Variants in DHTKD1 observed in about 807,000 individuals in gnomAD.
DHTKD1 encodes the protein dehydrogenase E1 and transketolase domain containing 1.
DHTKD1 carries 78 observed loss-of-function variants against 101.8 expected under a neutral mutation model. The ratio of observed to expected loss-of-function variants is 0.77; its 90% CI spans 0.64 to 0.93. DHTKD1 has a LOEUF of 0.93. Among genes scored for constraint, DHTKD1 ranks in the 40% least tolerant of loss-of-function variants. The pLI is 0.00. For synonymous variants in DHTKD1, 462 were observed against 450.3 expected (o/e 1.03, Z -0.33); for missense variants, 1,223 against 1,161.7 (o/e 1.05, Z -0.77).
chr10:12,108,828 G>A (rs1056881561), intron 12 of DHTKD1, among the ~76,000 whole-genome samples: 8 of 152,124 alleles, frequency 5.3e-5, no homozygotes, highest in Admixed American at 5.2e-4. Flanking sequence ...ATCCTTCAAT[G>A]CATCTTATGT....
At chr10:12,116,079 C>T (rs983106129) in intron 13 of DHTKD1, among the ~76,000 whole-genome samples, 2 of 151,800 alleles carry the variant, frequency 1.3e-5, no homozygotes, top group African/African-American at 4.8e-5. Flanking sequence ...TACAGGCATG[C>T]ACCACCATGC....
intron 9 of DHTKD1, 39 bp downstream of exon 9, chr10:12,100,301 T>TTTTTTTTTTTTTTTTA (rs1554793009): frequency 1.2e-6 from 1 of 836,748 alleles, no homozygotes; most frequent in Non-Finnish European, 1.8e-6. Context: ...TTTTTTTTTT[T>TTTTTTTTTTTTTTTTA]GAGTCTCACC....
chr10:12,120,813 G>C lies in DHTKD1; in HGVS notation c.2685G>C (p.Leu895Phe), dbSNP rs890522994. The part of the protein sequence containing the change: ...CKLRLVGRPP[L>F]PVPAVGIGTV... ...TCCGTCTGGTGGGCCGGCCCCCTTT[G>C]CCAGTACCCGCTGTAGGAATTGGCA... Residue 895 changes from leucine to phenylalanine, a missense_variant, in exon 17 of 17, where the codon TTG (leucine) becomes TTC (phenylalanine). Leu to Phe is a conservative substitution (Grantham distance 22). Coordinates refer to ENST00000263035, the MANE Select transcript of DHTKD1 (RefSeq NM_018706.7). 6.2e-7 allele frequency: 1 copy of C among 1,614,088 alleles called. No individual in the cohort carries two copies. The highest frequency in any genetic ancestry group is 1.3e-5 in the African/African-American group (1 of 75,038).
intron 7 of DHTKD1, among the ~76,000 whole-genome samples, chr10:12,094,864 C>T (rs1299101581): frequency 6.6e-6 from 1 of 152,076 alleles, no homozygotes; most frequent in Non-Finnish European, 1.5e-5. Context: ...TGGTCTCAAA[C>T]TCCCGGTCTC....
chr10:12,088,923 C>G (rs1167074928), intron 4 of DHTKD1, 63 bp from the exon 5 acceptor site: 5 of 1,461,306 alleles, frequency 3.4e-6, no homozygotes, highest in Non-Finnish European at 3.8e-6. Flanking sequence ...CAACTCAGCA[C>G]TTCTTCCCTA....
chr10:12,118,483 C>T (rs905424557), intron 14 of DHTKD1, among the ~76,000 whole-genome samples: 8 of 150,942 alleles, frequency 5.3e-5, no homozygotes, highest in Non-Finnish European at 8.8e-5. Flanking sequence ...CCCGGGTTCA[C>T]GCCATTCTCC....
rs528672873 is a variant in DHTKD1 at position 12,087,396 on chromosome 10, C to T, written c.523-139C>T. ...GCTGTGTCCGTGTTATGTCTCTCTC[C>T]GGGATATGTAGTAAAGTGGCATTGC... On this transcript the variant is annotated intron_variant, in intron 3 of 16. Coordinates refer to ENST00000263035, the MANE Select transcript of DHTKD1 (RefSeq NM_018706.7). This position sits in a 1 kb window ranked among gnomAD's most constrained non-coding sequence, Gnocchi z 5.2. 4 of 640,756 alleles carry T rather than the reference C, an allele frequency of 6.2e-6. No homozygotes were observed. Among genetic ancestry groups the T allele is most frequent in the South Asian group, 4.3e-5 (2 of 46,636 alleles). The allele number at this position is 640,756 out of a possible 1,614,324, so 39.7% of individuals were successfully genotyped here.
chr10:12,091,402 AC>A (rs1340211196), intron 5 of DHTKD1, 110 bp from the exon 6 acceptor site: 9 of 651,116 alleles, frequency 1.4e-5, no homozygotes, highest in African/African-American at 2.4e-5. Context: ...AAAGAGCAAG[AC>A]TCTGTCTCAA....
chr10:12,118,597 T>A (rs56975355), intron 14 of DHTKD1, 152 bp from the exon 15 acceptor site: 1 of 428,492 alleles, frequency 2.3e-6, no homozygotes. Flanking sequence ...TTAGCCAGGA[T>A]GGTCTTGATT....
At chr10:12,079,580 A>G (rs1832783566) in intron 1 of DHTKD1, among the ~76,000 whole-genome samples, 1 of 152,212 alleles carries the variant, frequency 6.6e-6, no homozygotes, top group South Asian at 2.1e-4. Flanking sequence ...AGGCAGGGGA[A>G]TCACTTGAAC....
Position 12,110,581 on chromosome 10 carries a change from ATTGTG to A in DHTKD1, c.2155-2318_2155-2314del, listed in dbSNP as rs1200964101. ...ATGTGATGTTTTGATACAGCTATAC[ATTGTG>A]AACTGATTGAATCAAGCTAATTACC... On this transcript the variant is annotated intron_variant, in intron 12 of 16. Coordinates refer to ENST00000263035, the MANE Select transcript of DHTKD1 (RefSeq NM_018706.7). The surrounding 1 kb of genome is among the most constrained non-coding windows in gnomAD (Gnocchi z 4.9). 6.6e-6 allele frequency among the ~76,000 whole-genome samples: 1 copy of A among 152,314 alleles called. No homozygotes were observed. Among genetic ancestry groups the A allele is most frequent in the Non-Finnish European group, 1.5e-5 (1 of 68,028 alleles).
chr10:12,112,170 C>T (rs1406319559), intron 12 of DHTKD1, among the ~76,000 whole-genome samples: 2 of 151,988 alleles, frequency 1.3e-5, no homozygotes, highest in Non-Finnish European at 2.9e-5. Flanking sequence ...TAAAATTAGT[C>T]AGGTGTGGTA....
In DHTKD1 at chr10:12,118,921, A is replaced by G. The variant is rs549208576; in HGVS notation, c.2572+3A>G. ...GAGCAAATACAAACATGTTAAAGGT[A>G]AGAGGTTGTTCTCATTTGGGTTTTG... On this transcript the variant is annotated splice_donor_region_variant and intron_variant, in intron 15 of 16. Coordinates refer to ENST00000263035, the MANE Select transcript of DHTKD1 (RefSeq NM_018706.7). 3 of 1,539,392 alleles carry G rather than the reference A, an allele frequency of 1.9e-6. No homozygotes were observed. In the South Asian group the frequency reaches 3.7e-5, roughly 19 times the overall value.
chr10:12,120,472 T>C (rs1554794976), intron 16 of DHTKD1: 1 of 525,996 alleles, frequency 1.9e-6, no homozygotes, highest in Non-Finnish European at 3.4e-6. Context: ...TAGCTGGGAC[T>C]ACAGGCGCCC....
chr10:12,069,223 T>A (rs760400442), intron 1 of DHTKD1, 36 bp downstream of exon 1: 42 of 1,236,470 alleles, frequency 3.4e-5, no homozygotes, highest in Non-Finnish European at 4.1e-5. Flanking sequence ...GAGCGGGGGC[T>A]GGGACGCAGA....
chr10:12,089,183 G>C lies in DHTKD1; in HGVS notation c.915G>C (p.Gln305His), dbSNP rs200922071. 11 of 1,614,180 alleles carry C rather than the reference G, an allele frequency of 6.8e-6. No homozygotes were observed. The highest frequency in any genetic ancestry group is 7.6e-6 in the Non-Finnish European group (9 of 1,180,024). The change falls in exon 5 of 17, where the codon CAG becomes CAC. Residue 305 changes from glutamine to histidine, a missense_variant. Coordinates refer to ENST00000263035, the MANE Select transcript of DHTKD1 (RefSeq NM_018706.7). ...CCGTGGGCAAAACTCGCGGCAGGCA[G>C]CAGTCTCGCCAAGACGGCGATTACT... The part of the protein sequence containing the change: ...PVAVGKTRGR[Q>H]QSRQDGDYSP...
Position 12,122,662 on chromosome 10 carries a change from A to C in DHTKD1, c.*1774A>C, listed in dbSNP as rs1363671252. 6.6e-6 allele frequency: 1 copy of C among 151,988 alleles called. No individual in the cohort carries two copies. The highest frequency in any genetic ancestry group is 1.5e-5 in the Non-Finnish European group (1 of 67,992). 9.4% of individuals were successfully genotyped at this position (151,988 alleles called of 1,614,324 possible). ...AGAGAGAGAGAGGAAAAAAAAAGAA[A>C]AGAACACTTCTTTATTTGAGGGACT... On this transcript the variant is annotated 3_prime_UTR_variant, in exon 17 of 17. Transcript: ENST00000263035.
intron 16 of DHTKD1, chr10:12,120,493 C>T: frequency 1.9e-6 from 1 of 517,328 alleles, no homozygotes; most frequent in South Asian, 2.1e-5. Flanking sequence ...GCCACCACAC[C>T]CAGCTAAATT....
In DHTKD1 at chr10:12,091,053, C is replaced by CA. The variant is rs1450243971; in HGVS notation, c.988-451dup. Among the ~76,000 whole-genome samples the CA allele has an allele frequency of 4.9e-3, 707 of 143,448 alleles. 7 individuals carry two copies. Among genetic ancestry groups the CA allele is most frequent in the African/African-American group, 0.013 (509 of 38,996 alleles). The allele number at this position is 143,448 out of a possible 152,430, so 94.1% of individuals were successfully genotyped here. ...TGGGCAACAGAGCGAGACTCCGTCT[C>CA]AAAAAAAAACAAAAAAAGATTGACT... On this transcript the variant is annotated intron_variant, in intron 5 of 16. Transcript: ENST00000263035.
Sources: allele counts gnomAD v4.1 joint callset (sites outside exome capture counted in the v4.1 genomes callset), GRCh38; gene constraint gnomAD v4.1.1; non-coding constraint Gnocchi (gnomAD v3.1); transcripts MANE v1.5; gene names NCBI Gene and HGNC (gene_info 2026-07-23, HGNC 2026-07-21).